The following SDCCAG8 variants were observed in gnomAD, a reference collection of about 807,000 sequenced individuals.
SDCCAG8 encodes serologically defined colon cancer antigen 8.
SDCCAG8 carries 74 observed loss-of-function variants against 101.8 expected under a neutral mutation model. The observed-to-expected ratio is 0.73, with a 90% CI of 0.60 to 0.88. The LOEUF (loss-of-function observed/expected upper bound fraction) is 0.88. Among genes scored for constraint, SDCCAG8 ranks in the 40% least tolerant of loss-of-function variants. The pLI is 0.00. For missense variants in SDCCAG8, 787 were observed against 822.6 expected (o/e 0.96, Z 0.53); for synonymous variants, 281 against 292.9 (o/e 0.96, Z 0.41).
At chr1:243,370,426 A>T (rs1175094114) in intron 12 of SDCCAG8, among the ~76,000 whole-genome samples, 1 of 152,124 alleles carries the variant, frequency 6.6e-6, no homozygotes. Flanking sequence ...TAGCAAACAT[A>T]AAGTCTTTAT....
At chr1:243,417,770 T>C (rs1008820474) in intron 14 of SDCCAG8, among the ~76,000 whole-genome samples, 198 bp from the exon 15 acceptor site, 2 of 152,176 alleles carry the variant, frequency 1.3e-5, no homozygotes, top group Non-Finnish European at 2.9e-5. Context: ...TGGTGTATAA[T>C]TATGTTGAAA....
At chr1:243,399,031 G>A (rs1023992987) in intron 13 of SDCCAG8, among the ~76,000 whole-genome samples, 4 of 152,078 alleles carry the variant, frequency 2.6e-5, no homozygotes, top group African/African-American at 9.7e-5. Flanking sequence ...TACCAGACAA[G>A]GTTTATGTAA....
chr1:243,279,422 G>T (rs2068843521), intron 4 of SDCCAG8, among the ~76,000 whole-genome samples: 3 of 152,214 alleles, frequency 2.0e-5, no homozygotes, highest in Non-Finnish European at 4.4e-5. Flanking sequence ...GGGAGCTACA[G>T]CTCACTGCCA....
At chr1:243,410,959 G>A (rs1231728223) in intron 13 of SDCCAG8, among the ~76,000 whole-genome samples, 1 of 152,152 alleles carries the variant, frequency 6.6e-6, no homozygotes, top group Non-Finnish European at 1.5e-5. Context: ...GGCCTAGCCA[G>A]TACTTGTTCA....
At chr1:243,343,526 G>C (rs1032946125) in intron 11 of SDCCAG8, among the ~76,000 whole-genome samples, 2 of 152,302 alleles carry the variant, frequency 1.3e-5, no homozygotes, top group African/African-American at 4.8e-5. Context: ...GTTCATTATT[G>C]GTGCCGTATT....
At chr1:243,357,632 A>T (rs560157924) in intron 12 of SDCCAG8, among the ~76,000 whole-genome samples, 20 of 152,350 alleles carry the variant, frequency 1.3e-4, no homozygotes, top group African/African-American at 4.1e-4. Context: ...GTGATAACCT[A>T]TTATGTGTTG....
intron 12 of SDCCAG8, among the ~76,000 whole-genome samples, chr1:243,366,448 A>G (rs2076994675): frequency 1.3e-5 from 2 of 151,984 alleles, no homozygotes; most frequent in African/African-American, 4.8e-5. Context: ...ATTTCAATGC[A>G]ATTACTCTAT....
At chr1:243,462,231 A>G (rs1002264710) in intron 16 of SDCCAG8, among the ~76,000 whole-genome samples, 1 of 152,174 alleles carries the variant, frequency 6.6e-6, no homozygotes, top group African/African-American at 2.4e-5. Context: ...GGCTCAACCA[A>G]CTGCAGGAGC....
At chr1:243,486,584 C>T (rs1274496445) in intron 16 of SDCCAG8, among the ~76,000 whole-genome samples, 4 of 152,238 alleles carry the variant, frequency 2.6e-5, no homozygotes, top group Non-Finnish European at 4.4e-5. Context: ...AGGCCAGAAC[C>T]GGCCCCATCG....
At chr1:243,481,524 G>T (rs1663754829) in intron 16 of SDCCAG8, among the ~76,000 whole-genome samples, 1 of 152,194 alleles carries the variant, frequency 6.6e-6, no homozygotes, top group Non-Finnish European at 1.5e-5. Context: ...GTAAACATTA[G>T]AGGAGGCCAC....
At chr1:243,394,530 T>G (rs2147952979) in intron 13 of SDCCAG8, among the ~76,000 whole-genome samples, 1 of 152,344 alleles carries the variant, frequency 6.6e-6, no homozygotes, top group Non-Finnish European at 1.5e-5. Flanking sequence ...ATGAATATCC[T>G]CTGTCGTTAA....
chr1:243,348,787 A>G (rs2147808027), intron 12 of SDCCAG8, among the ~76,000 whole-genome samples: 1 of 149,174 alleles, frequency 6.7e-6, no homozygotes, highest in South Asian at 2.2e-4. Context: ...AGCCTGACCA[A>G]TATGGAGAAA....
At chr1:243,329,761 T>G (rs1166729888) in intron 9 of SDCCAG8, among the ~76,000 whole-genome samples, 3 of 152,228 alleles carry the variant, frequency 2.0e-5, no homozygotes, top group Non-Finnish European at 4.4e-5. Context: ...TTGGGATTTT[T>G]GAAGTCATAT....
chr1:243,361,215 G>A (rs960488484), intron 12 of SDCCAG8, among the ~76,000 whole-genome samples: 2 of 152,168 alleles, frequency 1.3e-5, no homozygotes, highest in African/African-American at 2.4e-5. Flanking sequence ...GGGATATCCT[G>A]TGGATCACAA....
At chr1:243,292,549 T>A (rs1396751332) in intron 5 of SDCCAG8, among the ~76,000 whole-genome samples, 1 of 152,212 alleles carries the variant, frequency 6.6e-6, no homozygotes, top group Non-Finnish European at 1.5e-5. Flanking sequence ...TGCTGCCACT[T>A]ATTAGCCACT....
chr1:243,273,948 T>C (rs1344774562), intron 3 of SDCCAG8, among the ~76,000 whole-genome samples: 2 of 152,246 alleles, frequency 1.3e-5, no homozygotes, highest in Non-Finnish European at 2.9e-5. Flanking sequence ...CTTGTGTATT[T>C]GTGGAATTTA....
intron 5 of SDCCAG8, among the ~76,000 whole-genome samples, chr1:243,290,327 C>G (rs1328903088): frequency 6.6e-6 from 1 of 151,654 alleles, no homozygotes; most frequent in African/African-American, 2.4e-5. Flanking sequence ...TTAAAACTAT[C>G]TGTGAAAGAA....
chr1:243,312,434 T>C (rs2072820383), intron 8 of SDCCAG8, among the ~76,000 whole-genome samples: 1 of 152,112 alleles, frequency 6.6e-6, no homozygotes, highest in Admixed American at 6.5e-5. Flanking sequence ...TGGCCAGGCA[T>C]GGTGGCTCAC....
At chr1:243,399,032 G>T (rs770271974) in intron 13 of SDCCAG8, among the ~76,000 whole-genome samples, 32 of 152,108 alleles carry the variant, frequency 2.1e-4, no homozygotes, top group Non-Finnish European at 2.4e-4. Context: ...ACCAGACAAG[G>T]TTTATGTAAT....
Sources: gnomAD v4.1 joint callset for allele counts (sites outside exome capture counted in the v4.1 genomes callset) on GRCh38, gnomAD v4.1.1 for gene constraint, MANE v1.5 for transcripts, NCBI Gene and HGNC (gene_info 2026-07-23, HGNC 2026-07-21) for gene names.